Variants in PCSK6 observed in about 807,000 individuals in gnomAD.
The protein encoded by PCSK6 is proprotein convertase subtilisin/kexin type 6, also known as paired basic amino acid cleaving enzyme 4.
Under a neutral mutation model 123.3 loss-of-function variants are expected in PCSK6, and 85 were observed. The ratio of observed to expected loss-of-function variants is 0.69; its 90% CI spans 0.58 to 0.83. The LOEUF is 0.83. PCSK6 is among the 40% of genes least tolerant of loss of function. PCSK6 has a pLI of 0.00. For synonymous variants in PCSK6, 508 were observed against 516.0 expected (o/e 0.98, Z 0.21); for missense variants, 1,191 against 1,282.3 (o/e 0.93, Z 1.09).
At chr15:101,348,140 C>T (rs1469187059) in intron 13 of PCSK6, among the ~76,000 whole-genome samples, 4 of 150,380 alleles carry the variant, frequency 2.7e-5, no homozygotes, top group African/African-American at 9.7e-5. Context: ...AAAGCCACAA[C>T]CCCCGCCCCC....
At chr15:101,345,559 G>A (rs762813068) in intron 13 of PCSK6, among the ~76,000 whole-genome samples, 1 of 152,164 alleles carries the variant, frequency 6.6e-6, no homozygotes, top group African/African-American at 2.4e-5. Context: ...TATGAATTAC[G>A]ACACACACAG....
At chr15:101,347,562 C>A in intron 13 of PCSK6, 2 of 1,414,968 alleles carry the variant, frequency 1.4e-6, no homozygotes, top group Non-Finnish European at 1.9e-6. Flanking sequence ...TGCACGCACA[C>A]GCATTCATGC....
At chr15:101,307,750 G>C (rs145015480) in intron 20 of PCSK6, 1 of 187,842 alleles carries the variant, frequency 5.3e-6, no homozygotes, top group East Asian at 1.5e-4. Flanking sequence ...CTCCACCCAG[G>C]GATGTGACAC....
At chr15:101,421,337 A>AC (rs1336769754) in intron 6 of PCSK6, among the ~76,000 whole-genome samples, 35 of 152,350 alleles carry the variant, frequency 2.3e-4, no homozygotes, top group Admixed American at 1.6e-3. Context: ...GTGCAGTTTT[A>AC]CAAAGAAAAT....
At chr15:101,377,710 G>A (rs767364629) in intron 11 of PCSK6, among the ~76,000 whole-genome samples, 6 of 152,168 alleles carry the variant, frequency 3.9e-5, no homozygotes, top group East Asian at 1.9e-4. Flanking sequence ...GGTGATATGC[G>A]GCTAATCCAG....
intron 13 of PCSK6, among the ~76,000 whole-genome samples, chr15:101,363,995 G>A (rs1567166533): frequency 1.3e-5 from 2 of 152,202 alleles, no homozygotes; most frequent in Non-Finnish European, 1.5e-5. Flanking sequence ...ACAACTGGGG[G>A]AGGTCCCAGA....
At chr15:101,421,274 C>T (rs1468456827) in intron 6 of PCSK6, among the ~76,000 whole-genome samples, 1 of 152,158 alleles carries the variant, frequency 6.6e-6, no homozygotes, top group Admixed American at 6.5e-5. Flanking sequence ...TGGACAGTTC[C>T]TGTTTCTTTC....
intron 5 of PCSK6, among the ~76,000 whole-genome samples, chr15:101,429,182 A>G (rs1441162173): frequency 1.3e-5 from 2 of 152,202 alleles, no homozygotes; most frequent in African/African-American, 2.4e-5. Flanking sequence ...ATTTCCCTCT[A>G]AATATTTTTA....
chr15:101,311,061 A>T (rs1041279436), intron 20 of PCSK6, among the ~76,000 whole-genome samples: 18 of 151,652 alleles, frequency 1.2e-4, no homozygotes, highest in African/African-American at 3.6e-4. Context: ...CCCCTTGGTG[A>T]TGAGTGAGTT....
At chr15:101,483,991 T>A (rs1019500667) in intron 1 of PCSK6, among the ~76,000 whole-genome samples, 2 of 152,242 alleles carry the variant, frequency 1.3e-5, no homozygotes, top group Non-Finnish European at 2.9e-5. Flanking sequence ...CTCTCTTCAA[T>A]GTTTTATGTG....
Position 101,430,063 on chromosome 15 carries a change from C to G in PCSK6, c.658G>C (p.Asp220His). The part of the protein sequence containing the change: ...RNHPDLAPNY[D>H]SYASYDVNGN... ...TTCACGTCGTAGCTGGCGTAGGAATCCTAAGAAATGGAATCGTGGTGAGTG... is the reference window on the plus strand; with the variant it reads ...TTCACGTCGTAGCTGGCGTAGGAATGCTAAGAAATGGAATCGTGGTGAGTG... The change falls in exon 5 of 22, where the codon GAT (aspartate) becomes CAT (histidine). Residue 220 changes from aspartate (D) to histidine (H), a missense_variant and splice_region_variant. Asp to His is a moderately conservative substitution (Grantham distance 81). This residue lies in a region of PCSK6 where 357 missense variants were observed against 484.5 expected (regional missense o/e 0.74). Transcript: ENST00000611716. The G allele has an allele frequency of 6.2e-7, 1 of 1,613,384 alleles. No individual in the cohort carries two copies. Among genetic ancestry groups the G allele is most frequent in the Non-Finnish European group, 8.5e-7 (1 of 1,179,366 alleles).
At chr15:101,362,010 G>A (rs1374711367) in intron 13 of PCSK6, among the ~76,000 whole-genome samples, 1 of 146,616 alleles carries the variant, frequency 6.8e-6, no homozygotes, top group African/African-American at 2.6e-5. Flanking sequence ...AGGCTGGAGT[G>A]CAGTGGCGCA....
chr15:101,347,153 C>T (rs2040755658), intron 13 of PCSK6: 1 of 1,231,754 alleles, frequency 8.1e-7, no homozygotes, highest in East Asian at 3.2e-5. Context: ...AGTTTAGTGA[C>T]AAACTTGAAA....
chr15:101,425,750 A>C (rs181177098), intron 6 of PCSK6, among the ~76,000 whole-genome samples: 18 of 152,292 alleles, frequency 1.2e-4, no homozygotes, highest in Non-Finnish European at 2.5e-4. Context: ...GAGCACCTTC[A>C]CTTGCAGGAC....
chr15:101,329,707 G>C (rs944126995), intron 15 of PCSK6, among the ~76,000 whole-genome samples: 1 of 152,226 alleles, frequency 6.6e-6, no homozygotes, highest in Non-Finnish European at 1.5e-5. Flanking sequence ...TTGCAGTCCT[G>C]TGTGGATGAC....
chr15:101,347,602 T>A (rs544287224), intron 13 of PCSK6: 1 of 1,501,492 alleles, frequency 6.7e-7, no homozygotes, highest in East Asian at 2.3e-5. Context: ...GTGAGCCATG[T>A]CCAAAGTGCT....
chr15:101,409,809 A>C (rs954853635), intron 6 of PCSK6, among the ~76,000 whole-genome samples: 3 of 152,150 alleles, frequency 2.0e-5, no homozygotes, highest in African/African-American at 7.2e-5. Flanking sequence ...CCAAGCCAGC[A>C]CACCTGGCTC....
intron 20 of PCSK6, among the ~76,000 whole-genome samples, chr15:101,311,509 G>A (rs1393320259): frequency 6.6e-6 from 1 of 152,050 alleles, no homozygotes; most frequent in African/African-American, 2.4e-5. Flanking sequence ...ACGCTGGGCA[G>A]ATGCTGGCGC....
At chr15:101,392,937 G>A (rs1001535136) in intron 8 of PCSK6, among the ~76,000 whole-genome samples, 6 of 152,152 alleles carry the variant, frequency 3.9e-5, no homozygotes, top group Non-Finnish European at 5.9e-5. Flanking sequence ...AAGGAACCTC[G>A]TTCTTAAATA....
Sources: allele counts gnomAD v4.1 joint callset (sites outside exome capture counted in the v4.1 genomes callset), GRCh38; gene constraint gnomAD v4.1.1; regional missense constraint gnomAD v4.1.1; transcripts MANE v1.5; gene names NCBI Gene and HGNC (gene_info 2026-07-23, HGNC 2026-07-21).